PCDH9: variants seen among roughly 807,000 people sequenced by gnomAD.
PCDH9 encodes protocadherin-9.
In PCDH9, 24 loss-of-function variants were observed where a neutral mutation model predicts 70.6. The observed-to-expected ratio is 0.34, with a 90% CI of 0.25 to 0.48. PCDH9 has a LOEUF of 0.48. Among genes scored for constraint, PCDH9 ranks in the 20% least tolerant of loss-of-function variants. The pLI is 0.99. For missense variants in PCDH9, 1,281 were observed against 1,503.6 expected (o/e 0.85, Z 2.45); for synonymous variants, 562 against 558.5 (o/e 1.01, Z -0.09).
chr13:66,377,891 C>G (rs1376493042), intron 4 of PCDH9, among the ~76,000 whole-genome samples: 1 of 152,032 alleles, frequency 6.6e-6, no homozygotes, highest in African/African-American at 2.4e-5. Context: ...TTTTCTTTTC[C>G]TAATGTTTCT....
intron 3 of PCDH9, among the ~76,000 whole-genome samples, chr13:66,730,887 G>GTTTTTTTTTT (rs1303010293): frequency 1.6e-5 from 1 of 60,772 alleles, no homozygotes; most frequent in African/African-American, 6.2e-5. Context: ...TTTTTTTTTT[G>GTTTTTTTTTT]TTTGTTTCTT....
intron 2 of PCDH9, among the ~76,000 whole-genome samples, chr13:67,085,433 G>A (rs1355674892): frequency 3.3e-5 from 5 of 152,190 alleles, no homozygotes; most frequent in East Asian, 1.9e-4. Context: ...GCATATTACC[G>A]TATGAACTGT....
chr13:66,993,664 A>G (rs1055239952), intron 2 of PCDH9, among the ~76,000 whole-genome samples: 6 of 152,228 alleles, frequency 3.9e-5, no homozygotes, highest in African/African-American at 9.6e-5. Context: ...CAAGGGTGGG[A>G]GGAAAGCAAT....
chr13:66,962,170 T>C (rs1429412650), intron 2 of PCDH9, among the ~76,000 whole-genome samples: 2 of 152,172 alleles, frequency 1.3e-5, no homozygotes, highest in Non-Finnish European at 2.9e-5. Context: ...TTGGTTCCAT[T>C]GGAGAGAGGG....
At chr13:66,804,588 C>G (rs1212637391) in intron 3 of PCDH9, among the ~76,000 whole-genome samples, 1 of 152,106 alleles carries the variant, frequency 6.6e-6, no homozygotes, top group Non-Finnish European at 1.5e-5. Flanking sequence ...AAATAAACAG[C>G]AAGCCTCTTT....
chr13:66,369,393 A>T (rs1266360156), intron 4 of PCDH9, among the ~76,000 whole-genome samples: 2 of 152,154 alleles, frequency 1.3e-5, no homozygotes, highest in South Asian at 4.1e-4. Context: ...CATTAGAATC[A>T]GATGAGTTTT....
At chr13:66,524,723 G>A (rs17583414) in intron 4 of PCDH9, among the ~76,000 whole-genome samples, 6,958 of 152,082 alleles carry the variant, frequency 0.046, 218 homozygotes, top group South Asian at 0.11. Context: ...TTGAGGAAAA[G>A]GACTAAGGTA....
intron 4 of PCDH9, among the ~76,000 whole-genome samples, chr13:66,439,770 A>T (rs1448553146): frequency 6.6e-6 from 1 of 152,190 alleles, no homozygotes; most frequent in Non-Finnish European, 1.5e-5. Context: ...TTGTACATAC[A>T]TCCTTTTTAA....
At chr13:67,105,220 T>C (rs1336536742) in intron 2 of PCDH9, among the ~76,000 whole-genome samples, 2 of 152,148 alleles carry the variant, frequency 1.3e-5, no homozygotes, top group African/African-American at 4.8e-5. Flanking sequence ...AACAAAAATA[T>C]AGAAGATCGT....
At chr13:66,838,083 T>C (rs912234827) in intron 3 of PCDH9, among the ~76,000 whole-genome samples, 19 of 152,232 alleles carry the variant, frequency 1.2e-4, no homozygotes, top group South Asian at 2.1e-4. Context: ...GTTTTGTACT[T>C]TTTACCATGA....
At chr13:67,169,487 C>G (rs2088216396) in intron 2 of PCDH9, among the ~76,000 whole-genome samples, 2 of 152,188 alleles carry the variant, frequency 1.3e-5, no homozygotes, top group Admixed American at 1.3e-4. Flanking sequence ...GATTACATGT[C>G]TTTTGGCCTC....
chr13:66,470,979 A>G (rs1232686819), intron 4 of PCDH9, among the ~76,000 whole-genome samples: 1 of 151,056 alleles, frequency 6.6e-6, no homozygotes, highest in Non-Finnish European at 1.5e-5. Context: ...TAAGTGCTCA[A>G]TAAAAGGCAG....
intron 4 of PCDH9, among the ~76,000 whole-genome samples, chr13:66,545,708 C>T (rs894280537): frequency 7.2e-5 from 11 of 152,020 alleles, no homozygotes; most frequent in Admixed American, 1.3e-4. Flanking sequence ...AAAAGTATGG[C>T]ACACACACTT....
At chr13:66,558,429 C>T (rs1961842405) in intron 4 of PCDH9, among the ~76,000 whole-genome samples, 1 of 151,950 alleles carries the variant, frequency 6.6e-6, no homozygotes, top group Non-Finnish European at 1.5e-5. Context: ...GTGCATTTGG[C>T]TCCTGTCTAT....
chr13:67,228,177 G>C lies in PCDH9; in HGVS notation c.264C>G (p.Thr88=), dbSNP rs764263079. Residue 88 remains threonine (T), a synonymous_variant, in exon 2 of 5, where the codon ACC becomes ACG. Transcript: ENST00000377865. ...GTTTTTCTCTGTCTATTCTGTTGGA[G>C]GTTGTGAAAATTTCCCCAGTGCTGC... ...VSSSTGEIFT[T]SNRIDREKLC... is the part of the protein sequence containing the mutation. 1 of 1,613,632 alleles carries C rather than the reference G, an allele frequency of 6.2e-7. No homozygotes were observed. The highest frequency in any genetic ancestry group is 8.5e-7 in the Non-Finnish European group (1 of 1,179,858).
intron 3 of PCDH9, among the ~76,000 whole-genome samples, chr13:66,881,807 GAAAT>G (rs1171573755): frequency 6.6e-6 from 1 of 152,064 alleles, no homozygotes; most frequent in Non-Finnish European, 1.5e-5. Context: ...ATGGGACAAA[GAAAT>G]AAAACAGTGT....
intron 2 of PCDH9, among the ~76,000 whole-genome samples, chr13:67,059,868 G>GT (rs1327622882): frequency 9.7e-6 from 1 of 103,132 alleles, no homozygotes; most frequent in Non-Finnish European, 1.8e-5. Context: ...TCTGTTGTTT[G>GT]TTTTTTGTTT....
At position 66,752,058 on chromosome 13, in the gene PCDH9, G is replaced by A. The variant is rs148405711; in HGVS notation, c.3139-120647C>T. Among the ~76,000 whole-genome samples, 618 of 152,294 alleles carry A rather than the reference G, an allele frequency of 4.1e-3. 4 individuals are homozygous for A. The highest frequency in any genetic ancestry group is 0.014 in the African/African-American group (591 of 41,572). ...AGAGGGTATGAGCTAACACCTGAATGATAGAAAGGGGTCAATCAATCAAAT... is the reference window on the plus strand; with the variant it reads ...AGAGGGTATGAGCTAACACCTGAATAATAGAAAGGGGTCAATCAATCAAAT... On this transcript the variant is annotated intron_variant, in intron 3 of 4. Transcript: ENST00000377865.
At chr13:66,756,276 A>C (rs1422804005) in intron 3 of PCDH9, among the ~76,000 whole-genome samples, 1 of 152,204 alleles carries the variant, frequency 6.6e-6, no homozygotes, top group East Asian at 1.9e-4. Flanking sequence ...ATATCAGTAC[A>C]ATTAAAAATC....
Sources: allele counts gnomAD v4.1 joint callset (sites outside exome capture counted in the v4.1 genomes callset), GRCh38; gene constraint gnomAD v4.1.1; transcripts MANE v1.5; gene names NCBI Gene and HGNC (gene_info 2026-07-23, HGNC 2026-07-21).